Variants in ADAMTS19 observed in about 807,000 individuals in gnomAD.
The protein encoded by ADAMTS19 is ADAM metallopeptidase with thrombospondin type 1 motif 19.
In ADAMTS19, 93 loss-of-function variants were observed where a neutral mutation model predicts 153.3. The ratio of observed to expected loss-of-function variants is 0.61; its 90% CI spans 0.51 to 0.72. ADAMTS19 has a LOEUF of 0.72. Among genes scored for constraint, ADAMTS19 ranks in the 30% least tolerant of loss-of-function variants. ADAMTS19 has a pLI of 0.00. For missense variants in ADAMTS19, 1,482 were observed against 1,552.1 expected (o/e 0.95, Z 0.76); for synonymous variants, 600 against 556.6 (o/e 1.08, Z -1.10).
chr5:129,492,131 G>A (rs1304557896), intron 2 of ADAMTS19, among the ~76,000 whole-genome samples: 1 of 152,136 alleles, frequency 6.6e-6, no homozygotes, highest in Non-Finnish European at 1.5e-5. Context: ...AATCATGGCA[G>A]AAGGTGAAGG....
At chr5:129,682,956 T>C (rs1027088609) in intron 17 of ADAMTS19, among the ~76,000 whole-genome samples, 1 of 152,104 alleles carries the variant, frequency 6.6e-6, no homozygotes, top group Non-Finnish European at 1.5e-5. Flanking sequence ...CCCATTTCAA[T>C]TTTCCTATGG....
intron 7 of ADAMTS19, among the ~76,000 whole-genome samples, chr5:129,595,924 A>G (rs1030957999): frequency 6.6e-6 from 1 of 151,984 alleles, no homozygotes; most frequent in African/African-American, 2.4e-5. Flanking sequence ...GATAATTTAT[A>G]CCAAAAGATC....
chr5:129,683,489 A>G (rs551180644), intron 17 of ADAMTS19, among the ~76,000 whole-genome samples: 69 of 152,300 alleles, frequency 4.5e-4, no homozygotes, highest in African/African-American at 1.6e-3. Context: ...AAAGAAAACA[A>G]TATATACTAC....
intron 6 of ADAMTS19, among the ~76,000 whole-genome samples, chr5:129,529,847 T>C (rs1752137099): frequency 6.6e-6 from 1 of 152,118 alleles, no homozygotes; most frequent in South Asian, 2.1e-4. Flanking sequence ...GGATTGCTGC[T>C]ATGGAGTTCA....
Position 129,701,272 on chromosome 5 carries a change from T to C in ADAMTS19, c.2955-116T>C, listed in dbSNP as rs1477564024. 3 of 1,183,252 alleles carry C rather than the reference T, an allele frequency of 2.5e-6. No individual in the cohort carries two copies. In the African/African-American group the frequency reaches 4.5e-5, roughly 18 times the overall value. 73.3% of individuals were successfully genotyped at this position (1,183,252 alleles called of 1,614,324 possible). ...ATGGAACTGTGTCAATTGGACCTCT[T>C]TCCTTTGTAAATTGCCCAGTCTTGG... On this transcript the variant is annotated intron_variant, in intron 19 of 22. Transcript: ENST00000274487.
chr5:129,703,150 C>T (rs1369948443), intron 20 of ADAMTS19, among the ~76,000 whole-genome samples: 1 of 150,052 alleles, frequency 6.7e-6, no homozygotes, highest in Non-Finnish European at 1.5e-5. Context: ...GTATGCCCCA[C>T]ACACATATCC....
At chr5:129,611,913 G>A (rs994107441) in intron 8 of ADAMTS19, among the ~76,000 whole-genome samples, 4 of 152,054 alleles carry the variant, frequency 2.6e-5, no homozygotes, top group Admixed American at 2.6e-4. Flanking sequence ...AAGTCTACAA[G>A]CCAGAAGAGA....
intron 2 of ADAMTS19, among the ~76,000 whole-genome samples, chr5:129,466,813 G>T (rs1209089400): frequency 6.6e-6 from 1 of 152,186 alleles, no homozygotes; most frequent in East Asian, 1.9e-4. Flanking sequence ...AGGGTAGAGG[G>T]TAGATGAGAT....
At chr5:129,612,459 G>C (rs1405049911) in intron 8 of ADAMTS19, among the ~76,000 whole-genome samples, 2 of 152,012 alleles carry the variant, frequency 1.3e-5, no homozygotes, top group Non-Finnish European at 2.9e-5. Flanking sequence ...AAGTGAAGGA[G>C]AAATAAAATA....
At chr5:129,554,663 G>T (rs1753251896) in intron 7 of ADAMTS19, among the ~76,000 whole-genome samples, 1 of 152,040 alleles carries the variant, frequency 6.6e-6, no homozygotes, top group African/African-American at 2.4e-5. Context: ...CTGGAGCCCA[G>T]TCTAATGTTT....
chr5:129,461,345 C>T lies in ADAMTS19; in HGVS notation c.335C>T (p.Pro112Leu), dbSNP rs1424927430. The T allele has an allele frequency of 1.1e-5, 14 of 1,333,294 alleles. 1 individual carries two copies. The East Asian group carries it at 3.4e-4, about 32-fold the overall frequency. The allele number at this position is 1,333,294 out of a possible 1,614,324, so 82.6% of individuals were successfully genotyped here. Residue 112 changes from proline to leucine, a missense_variant, in exon 2 of 23, where the codon CCG becomes CTG. Pro to Leu is a moderately conservative substitution (Grantham distance 98). Coordinates refer to ENST00000274487, the MANE Select transcript of ADAMTS19 (RefSeq NM_133638.6). The surrounding 1 kb of genome is among the most constrained non-coding windows in gnomAD (Gnocchi z 4.6). Reference protein sequence around the residue: ...EGRSESRLRPPPPSEGEEDEE... With the variant: ...EGRSESRLRPLPPSEGEEDEE... ...CGATCAGAGTCCCGGCTCCGGCCCC[C>T]GCCGCCGTCGGAGGGTGAGGAGGAC... is the stretch of plus-strand genomic sequence containing the variant.
chr5:129,673,867 T>C (rs1754424926), intron 16 of ADAMTS19, among the ~76,000 whole-genome samples: 2 of 152,378 alleles, frequency 1.3e-5, no homozygotes, highest in Middle Eastern at 3.4e-3. Flanking sequence ...TTAATGTAAA[T>C]GACCTTTAAA....
intron 8 of ADAMTS19, among the ~76,000 whole-genome samples, chr5:129,597,629 T>A (rs1399891440): frequency 6.6e-6 from 1 of 152,046 alleles, no homozygotes; most frequent in Non-Finnish European, 1.5e-5. Context: ...AATGGAGACC[T>A]GGCACGGTGG....
At chr5:129,541,355 G>C (rs1285965721) in intron 6 of ADAMTS19, among the ~76,000 whole-genome samples, 7 of 151,738 alleles carry the variant, frequency 4.6e-5, no homozygotes, top group Admixed American at 4.6e-4. Flanking sequence ...TCATGTTGCA[G>C]GTTCATGCAT....
At chr5:129,463,178 G>A (rs1162170677) in intron 2 of ADAMTS19, among the ~76,000 whole-genome samples, 1 of 152,110 alleles carries the variant, frequency 6.6e-6, no homozygotes, top group Non-Finnish European at 1.5e-5. Context: ...TTTTGGCTGG[G>A]GATTAAATAA....
chr5:129,626,911 T>A (rs1752076988), intron 10 of ADAMTS19, among the ~76,000 whole-genome samples: 1 of 152,114 alleles, frequency 6.6e-6, no homozygotes. Context: ...GTGTTATTTC[T>A]TATAAGGTGA....
In ADAMTS19 at chr5:129,603,472, G is replaced by A. The variant is rs139875271; in HGVS notation, c.1478+6808G>A. 1.2e-4 allele frequency among the ~76,000 whole-genome samples: 19 copies of A among 152,108 alleles called. No individual in the cohort carries two copies. The East Asian group carries it at 2.5e-3, about 20-fold the overall frequency. Reference sequence around the variant, plus strand: ...ATATTTTTATATACACACATACAACGTAGGCTTTTTTTCTTTAGGTCTACA... The same window carrying A: ...ATATTTTTATATACACACATACAACATAGGCTTTTTTTCTTTAGGTCTACA... On this transcript the variant is annotated intron_variant, in intron 8 of 22. Transcript: ENST00000274487.
At chr5:129,507,176 C>A (rs1751293139) in intron 2 of ADAMTS19, among the ~76,000 whole-genome samples, 1 of 151,992 alleles carries the variant, frequency 6.6e-6, no homozygotes. Context: ...CTGAGCTGTG[C>A]TGAGCAGCAT....
intron 21 of ADAMTS19, among the ~76,000 whole-genome samples, chr5:129,720,355 G>A (rs1756946877): frequency 6.6e-6 from 1 of 151,168 alleles, no homozygotes; most frequent in South Asian, 2.1e-4. Context: ...TATTTTAGTA[G>A]AAACAGGGTT....
Sources: allele counts gnomAD v4.1 joint callset (sites outside exome capture counted in the v4.1 genomes callset), GRCh38; gene constraint gnomAD v4.1.1; non-coding constraint Gnocchi (gnomAD v3.1); transcripts MANE v1.5; gene names NCBI Gene and HGNC (gene_info 2026-07-23, HGNC 2026-07-21).